Variants in SRPX observed in about 807,000 individuals in gnomAD.
SRPX encodes sushi repeat containing protein X-linked, also known as sushi repeat-containing protein SRPX.
SRPX carries 24 observed loss-of-function variants against 38.1 expected under a neutral mutation model. The observed-to-expected ratio is 0.63, with a 90% CI of 0.46 to 0.89. The LOEUF (loss-of-function observed/expected upper bound fraction) is 0.89. SRPX is among the 40% of genes least tolerant of loss of function. The pLI, the probability that SRPX is intolerant of heterozygous loss-of-function variation, is 0.00. For missense variants in SRPX, 416 were observed against 377.8 expected (o/e 1.10, Z -0.84); for synonymous variants, 184 against 153.8 (o/e 1.20, Z -1.45).
intron 1 of SRPX, among the ~76,000 whole-genome samples, chrX:38,198,260 G>T (rs1044504227): frequency 1.8e-5 from 2 of 111,629 alleles, no homozygotes; most frequent in African/African-American, 6.5e-5. Flanking sequence ...AGGAGAAAAG[G>T]ATCTACGGCT....
intron 8 of SRPX, among the ~76,000 whole-genome samples, chrX:38,156,120 A>G (rs978058293): frequency 8.9e-6 from 1 of 112,227 alleles, no homozygotes; most frequent in African/African-American, 3.2e-5. Flanking sequence ...GCAGCACTGT[A>G]TCCATGGCAC....
In SRPX at chrX:38,219,125, C is replaced by A. The variant is rs765708337; in HGVS notation, c.97+1571G>T. Among the ~76,000 whole-genome samples the A allele has an allele frequency of 3.1e-3, 342 of 110,774 alleles. 2 individuals carry two copies. The highest frequency in any genetic ancestry group is 9.6e-3 in the African/African-American group (293 of 30,417). ...AACTGGCGAACTCATGATTCTGTGGCTGGGCCCTGGTAGCAAGCTGTACTA... is the reference window on the plus strand; with the variant it reads ...AACTGGCGAACTCATGATTCTGTGGATGGGCCCTGGTAGCAAGCTGTACTA... On this transcript the variant is annotated intron_variant, in intron 1 of 9. Transcript: ENST00000378533.
At chrX:38,220,481 C>A (rs1434261431) in intron 1 of SRPX, among the ~76,000 whole-genome samples, 1 of 113,798 alleles carries the variant, frequency 8.8e-6, no homozygotes, top group Non-Finnish European at 1.9e-5. Flanking sequence ...GCGAGGGCGC[C>A]CCGCGCCTGG....
intron 9 of SRPX, 89 bp from the exon 10 acceptor site, chrX:38,149,983 T>C: frequency 1.2e-6 from 1 of 828,650 alleles, no homozygotes; most frequent in Non-Finnish European, 1.6e-6. Flanking sequence ...TGTGACAGTG[T>C]GCAGAGAAAG....
intron 1 of SRPX, among the ~76,000 whole-genome samples, chrX:38,180,444 A>C (rs956272090): frequency 1.3e-4 from 14 of 111,086 alleles, no homozygotes; most frequent in African/African-American, 4.6e-4. Flanking sequence ...GGGCCATCTC[A>C]CTCCCATACT....
chrX:38,180,189 T>C (rs1490362058), intron 1 of SRPX, among the ~76,000 whole-genome samples: 1 of 111,682 alleles, frequency 9.0e-6, no homozygotes, highest in Non-Finnish European at 1.9e-5. Flanking sequence ...ACATATATTT[T>C]GCCCTCGGTT....
intron 8 of SRPX, among the ~76,000 whole-genome samples, chrX:38,155,484 G>GA (rs1378820942): frequency 8.9e-6 from 1 of 112,225 alleles, no homozygotes; most frequent in African/African-American, 3.2e-5. Context: ...GAGCAACGAT[G>GA]GCAATCTTTC....
intron 1 of SRPX, among the ~76,000 whole-genome samples, chrX:38,181,956 T>G (rs1337081416): frequency 2.7e-5 from 3 of 109,652 alleles, no homozygotes; most frequent in Non-Finnish European, 5.7e-5. Context: ...CCTACTGGAG[T>G]CAAACTTACT....
chrX:38,208,504 T>G (rs749015201), intron 1 of SRPX, among the ~76,000 whole-genome samples: 70 of 112,045 alleles, frequency 6.2e-4, no homozygotes, highest in Non-Finnish European at 1.1e-3. Context: ...ATACATTCCT[T>G]TTTTACCTTT....
Position 38,174,294 on chromosome X carries a change from G to A in SRPX, c.215C>T (p.Pro72Leu). 1.7e-6 allele frequency: 2 copies of A among 1,144,181 alleles called. No homozygotes were observed. The highest frequency in any genetic ancestry group is 2.3e-6 in the Non-Finnish European group (2 of 862,733). The allele number at this position is 1,144,181 out of a possible 1,213,427, so 94.3% of individuals were successfully genotyped here. The change falls in exon 3 of 10, where the codon CCT (proline) becomes CTT (leucine). Residue 72 changes from proline (P) to leucine (L), a missense_variant. Transcript: ENST00000378533. Reference protein sequence around the residue: ...VKYGDVYCRAPQGGYYKTALG... With the variant: ...VKYGDVYCRALQGGYYKTALG... ...GGCTGTTTTGTAGTATCCTCCTTGA[G>A]GGGCCCTGCAGTACACATCCCCATA...
At chrX:38,156,001 T>G (rs1233241084) in intron 8 of SRPX, among the ~76,000 whole-genome samples, 1 of 112,376 alleles carries the variant, frequency 8.9e-6, no homozygotes, top group Non-Finnish European at 1.9e-5. Context: ...ATCCATTTTA[T>G]TAATGCTGAT....
At chrX:38,211,504 A>G (rs1939319017) in intron 1 of SRPX, among the ~76,000 whole-genome samples, 1 of 111,786 alleles carries the variant, frequency 8.9e-6, no homozygotes, top group Non-Finnish European at 1.9e-5. Context: ...GTTTGAGACC[A>G]GCCTGGCCAA....
intron 1 of SRPX, among the ~76,000 whole-genome samples, chrX:38,182,383 T>A (rs1198315669): frequency 1.8e-5 from 2 of 111,762 alleles, no homozygotes; most frequent in Non-Finnish European, 3.8e-5. Context: ...AGAACAAATA[T>A]GCCAAGAGTG....
intron 8 of SRPX, among the ~76,000 whole-genome samples, chrX:38,156,213 T>C (rs1173138279): frequency 8.9e-6 from 1 of 112,000 alleles, no homozygotes; most frequent in Non-Finnish European, 1.9e-5. Flanking sequence ...AAGCAATTTC[T>C]AGTTTGATCC....
At chrX:38,167,417 C>T (rs1277553143) in intron 4 of SRPX, among the ~76,000 whole-genome samples, 2 of 111,245 alleles carry the variant, frequency 1.8e-5, no homozygotes, top group African/African-American at 6.5e-5. Context: ...CCTTCTCTCT[C>T]GGCTGGTGAG....
intron 1 of SRPX, among the ~76,000 whole-genome samples, chrX:38,191,502 G>T (rs1425583818): frequency 3.7e-5 from 4 of 108,777 alleles, no homozygotes; most frequent in Non-Finnish European, 7.7e-5. Context: ...TAGTAAAAGT[G>T]AGCATTGTTT....
intron 8 of SRPX, among the ~76,000 whole-genome samples, 180 bp from the exon 9 acceptor site, chrX:38,154,763 C>T (rs757616064): frequency 9.8e-5 from 11 of 112,131 alleles, no homozygotes; most frequent in Non-Finnish European, 1.3e-4. Flanking sequence ...AACCTAAATA[C>T]CTTTGCTAGA....
chrX:38,174,464 A>G (rs1938534862), intron 2 of SRPX, 113 bp from the exon 3 acceptor site: 6 of 532,285 alleles, frequency 1.1e-5, no homozygotes, highest in South Asian at 1.0e-4. Context: ...TGGACCTTCA[A>G]TTAGTGCCCC....
rs764968626 is a variant in SRPX at position 38,213,200 on chromosome X, C to T, written c.97+7496G>A. Among the ~76,000 whole-genome samples the T allele has an allele frequency of 2.1e-3, 231 of 111,309 alleles. 1 individual carries two copies. Among genetic ancestry groups the T allele is most frequent in the Non-Finnish European group, 3.4e-3 (179 of 53,027 alleles). ...AGGCAGAAAATAGATTAGTGGTTGC[C>T]TAGGGATGGGGGATTAAGAAATGAT... On this transcript the variant is annotated intron_variant, in intron 1 of 9. Coordinates refer to ENST00000378533, the MANE Select transcript of SRPX (RefSeq NM_006307.5).
Sources: allele counts gnomAD v4.1 joint callset (sites outside exome capture counted in the v4.1 genomes callset), GRCh38; gene constraint gnomAD v4.1.1; transcripts MANE v1.5; gene names NCBI Gene and HGNC (gene_info 2026-07-23, HGNC 2026-07-21).